Variants in SH3GL2 observed in about 807,000 individuals in gnomAD.
SH3GL2 encodes the protein SH3 domain containing GRB2 like 2, endophilin A1.
SH3GL2 carries 24 observed loss-of-function variants against 46.0 expected under a neutral mutation model. That is an observed-to-expected ratio of 0.52 (90% CI 0.38 to 0.73). The LOEUF (loss-of-function observed/expected upper bound fraction) is 0.73, where lower values mean the gene tolerates loss of function less well. SH3GL2 is among the 30% of genes least tolerant of loss of function. SH3GL2 has a pLI of 0.00. For missense variants in SH3GL2, 413 were observed against 424.2 expected (o/e 0.97, Z 0.23); for synonymous variants, 196 against 147.1 (o/e 1.33, Z -2.40).
intron 3 of SH3GL2, among the ~76,000 whole-genome samples, chr9:17,765,656 C>A (rs376655629): frequency 5.3e-5 from 8 of 152,190 alleles, no homozygotes; most frequent in Non-Finnish European, 8.8e-5. Flanking sequence ...GCTAGGCTAA[C>A]AGCTCCCTCG....
At chr9:17,724,211 T>C (rs1399359825) in intron 1 of SH3GL2, among the ~76,000 whole-genome samples, 4 of 152,148 alleles carry the variant, frequency 2.6e-5, no homozygotes, top group Admixed American at 1.3e-4. Flanking sequence ...TCATCTGCCT[T>C]CATGTATCAT....
intron 1 of SH3GL2, among the ~76,000 whole-genome samples, chr9:17,689,046 G>A (rs1821000401): frequency 6.6e-6 from 1 of 152,052 alleles, no homozygotes; most frequent in African/African-American, 2.4e-5. Context: ...GGTGATCAAG[G>A]TGTACGTCAT....
At chr9:17,637,230 T>A (rs1819562005) in intron 1 of SH3GL2, among the ~76,000 whole-genome samples, 1 of 152,202 alleles carries the variant, frequency 6.6e-6, no homozygotes, top group Non-Finnish European at 1.5e-5. Context: ...AAAGCACAAC[T>A]TTAGCCATAT....
At chr9:17,660,713 T>C (rs1291803364) in intron 1 of SH3GL2, among the ~76,000 whole-genome samples, 1 of 152,150 alleles carries the variant, frequency 6.6e-6, no homozygotes, top group African/African-American at 2.4e-5. Context: ...ACTAGCTGAT[T>C]CTCAGGGTTT....
chr9:17,789,541 G>T lies in SH3GL2; in HGVS notation c.615G>T (p.Leu205Phe). Residue 205 changes from leucine to phenylalanine, a missense_variant, in exon 6 of 9, where the codon TTG becomes TTT. Coordinates refer to ENST00000380607, the MANE Select transcript of SH3GL2 (RefSeq NM_003026.5). Reference protein sequence around the residue: ...EIAESSMFNLLEMDIEQVSQL... With the variant: ...EIAESSMFNLFEMDIEQVSQL... ...CTGAGTCAAGCATGTTCAATCTCTT[G>T]GAGATGGATGTAAGTGACTCCTGTG... The T allele has an allele frequency of 6.2e-7, 1 of 1,613,284 alleles. No individual in the cohort carries two copies. Among genetic ancestry groups the T allele is most frequent in the Non-Finnish European group, 8.5e-7 (1 of 1,179,438 alleles).
chr9:17,702,202 A>G (rs1333771731), intron 1 of SH3GL2, among the ~76,000 whole-genome samples: 2 of 152,148 alleles, frequency 1.3e-5, no homozygotes, highest in African/African-American at 2.4e-5. Flanking sequence ...GGTTGGATCC[A>G]TAATTCACAT....
At chr9:17,644,781 G>T (rs1819765931) in intron 1 of SH3GL2, among the ~76,000 whole-genome samples, 1 of 152,208 alleles carries the variant, frequency 6.6e-6, no homozygotes, top group African/African-American at 2.4e-5. Context: ...ATGTGGTGCT[G>T]AGAAGAATGT....
intron 1 of SH3GL2, among the ~76,000 whole-genome samples, chr9:17,623,048 TTCCCCTTCC>T (rs1563786615): frequency 1.4e-4 from 17 of 124,050 alleles, no homozygotes; most frequent in Admixed American, 2.5e-4. Context: ...TTCCTTCCCC[TTCCCCTTCC>T]CCTTCCCCTT....
intron 1 of SH3GL2, among the ~76,000 whole-genome samples, chr9:17,623,012 T>C (rs371435342): frequency 5.5e-5 from 5 of 90,676 alleles, no homozygotes; most frequent in Admixed American, 1.1e-4. Flanking sequence ...TTTCCTTTCC[T>C]TTCCTTTCCT....
At chr9:17,739,201 G>T (rs1822451257) in intron 1 of SH3GL2, among the ~76,000 whole-genome samples, 1 of 152,078 alleles carries the variant, frequency 6.6e-6, no homozygotes, top group African/African-American at 2.4e-5. Flanking sequence ...GAGAAATCCT[G>T]ATTGACTTGC....
intron 3 of SH3GL2, among the ~76,000 whole-genome samples, chr9:17,765,836 C>G (rs1008479587): frequency 6.6e-6 from 1 of 152,196 alleles, no homozygotes; most frequent in African/African-American, 2.4e-5. Flanking sequence ...TTATTCACCA[C>G]CACATCCCCA....
intron 1 of SH3GL2, among the ~76,000 whole-genome samples, chr9:17,657,290 G>A: frequency 6.6e-6 from 1 of 152,254 alleles, no homozygotes; most frequent in East Asian, 1.9e-4. Context: ...ATATACTGTA[G>A]TGAATGCTGT....
chr9:17,711,691 C>T (rs1225655485), intron 1 of SH3GL2, among the ~76,000 whole-genome samples: 1 of 151,716 alleles, frequency 6.6e-6, no homozygotes, highest in Non-Finnish European at 1.5e-5. Context: ...GAATATACCA[C>T]AGTTTGTTTA....
intron 1 of SH3GL2, among the ~76,000 whole-genome samples, chr9:17,686,191 C>T (rs1426442035): frequency 8.0e-6 from 1 of 125,640 alleles, no homozygotes; most frequent in Non-Finnish European, 1.6e-5. Flanking sequence ...TGAAAAAATG[C>T]TCATCATCAC....
chr9:17,736,399 G>A (rs1178769466), intron 1 of SH3GL2, among the ~76,000 whole-genome samples: 1 of 152,072 alleles, frequency 6.6e-6, no homozygotes, highest in African/African-American at 2.4e-5. Context: ...AGAGAAGTCA[G>A]TGATTTTTCT....
At chr9:17,679,957 C>G (rs1188564829) in intron 1 of SH3GL2, among the ~76,000 whole-genome samples, 1 of 152,140 alleles carries the variant, frequency 6.6e-6, no homozygotes, top group Non-Finnish European at 1.5e-5. Flanking sequence ...GTTGAACCAG[C>G]CTTGCATCCC....
chr9:17,765,433 AT>A (rs1823289763), intron 3 of SH3GL2, among the ~76,000 whole-genome samples: 2 of 152,154 alleles, frequency 1.3e-5, no homozygotes, highest in South Asian at 4.1e-4. Flanking sequence ...GACCAAAGTG[AT>A]TTTGTTTAGC....
intron 1 of SH3GL2, among the ~76,000 whole-genome samples, chr9:17,643,692 C>T (rs568319977): frequency 1.4e-4 from 22 of 152,250 alleles, no homozygotes; most frequent in African/African-American, 5.3e-4. Flanking sequence ...CCGACTTGAT[C>T]GTGGTGGATA....
chr9:17,728,531 G>T (rs1210688932), intron 1 of SH3GL2, among the ~76,000 whole-genome samples: 1 of 151,918 alleles, frequency 6.6e-6, no homozygotes, highest in African/African-American at 2.4e-5. Flanking sequence ...GAACGTGCAG[G>T]TTTGTTACAT....
Sources: gnomAD v4.1 joint callset for allele counts (sites outside exome capture counted in the v4.1 genomes callset) on GRCh38, gnomAD v4.1.1 for gene constraint, MANE v1.5 for transcripts, NCBI Gene and HGNC (gene_info 2026-07-23, HGNC 2026-07-21) for gene names.